PASK: variants seen among roughly 807,000 people sequenced by gnomAD.
PASK encodes PAS domain containing serine/threonine kinase.
Under a neutral mutation model 121.0 loss-of-function variants are expected in PASK, and 110 were observed. The ratio of observed to expected loss-of-function variants is 0.91; its 90% CI spans 0.78 to 1.06. The LOEUF (loss-of-function observed/expected upper bound fraction) is 1.06. PASK is among the 50% of genes least tolerant of loss of function. The pLI, the probability that PASK is intolerant of heterozygous loss-of-function variation, is 0.00. For synonymous variants in PASK, 686 were observed against 717.8 expected (o/e 0.96, Z 0.71); for missense variants, 1,643 against 1,702.3 (o/e 0.97, Z 0.61).
chr2:241,131,140 C>T (rs1007467431), intron 9 of PASK, among the ~76,000 whole-genome samples: 1 of 150,658 alleles, frequency 6.6e-6, no homozygotes, highest in African/African-American at 2.5e-5. Flanking sequence ...AACACATATG[C>T]ATGTATTACA....
chr2:241,123,050 T>C (rs1212270994), intron 11 of PASK, 151 bp from the exon 12 acceptor site: 1 of 687,602 alleles, frequency 1.5e-6, no homozygotes, highest in Non-Finnish European at 2.4e-6. Flanking sequence ...CTCAGACAGG[T>C]CTGAAAGCCT....
At chr2:241,132,573 A>G (rs2066214408) in intron 9 of PASK, among the ~76,000 whole-genome samples, 1 of 148,770 alleles carries the variant, frequency 6.7e-6, no homozygotes, top group Admixed American at 6.7e-5. Flanking sequence ...TAAAATTATG[A>G]TTCCATCAGT....
In PASK at chr2:241,137,033, C is replaced by T. The variant is rs555355660; in HGVS notation, c.1108G>A (p.Gly370Ser). 3 of 1,613,528 alleles carry T rather than the reference C, an allele frequency of 1.9e-6. No individual in the cohort carries two copies. The highest frequency in any genetic ancestry group is 1.7e-5 in the Admixed American group (1 of 60,038). Residue 370 changes from glycine (G) to serine (S), a missense_variant, in exon 7 of 18, where the codon GGT becomes AGT. Gly to Ser is a moderately conservative substitution (Grantham distance 56, BLOSUM62 0). Coordinates refer to ENST00000234040, the MANE Select transcript of PASK (RefSeq NM_015148.4). ...CCCAGGAGCTCCGTCTTTCCGTAACCAAACAGTGTCAGCGCGAAGCTGTGG... is the reference window on the plus strand; with the variant it reads ...CCCAGGAGCTCCGTCTTTCCGTAACTAAACAGTGTCAGCGCGAAGCTGTGG... The part of the protein sequence containing the change: ...INHSFALTLF[G>S]YGKTELLGKN...
At chr2:241,129,576 C>T (rs1256294526) in intron 9 of PASK, among the ~76,000 whole-genome samples, 2 of 152,220 alleles carry the variant, frequency 1.3e-5, no homozygotes, top group South Asian at 2.1e-4. Context: ...AGCATCAATT[C>T]TAAGAAAAAT....
Position 241,125,391 on chromosome 2 carries a change from G to A in PASK, c.2719+805C>T, listed in dbSNP as rs184472480. 6.0e-3 allele frequency among the ~76,000 whole-genome samples: 908 copies of A among 151,738 alleles called. 2 individuals carry two copies. Among genetic ancestry groups the A allele is most frequent in the Middle Eastern group, 0.01 (3 of 292 alleles). Reference sequence around the variant, plus strand: ...CGAGGCGGGCGGATCACGACGTCAGGAGAACGAGACCATCCTGGCTAACAC... The same window carrying A: ...CGAGGCGGGCGGATCACGACGTCAGAAGAACGAGACCATCCTGGCTAACAC... On this transcript the variant is annotated intron_variant, in intron 10 of 17. Transcript: ENST00000234040.
At chr2:241,120,529 C>T (rs1359301472) in intron 12 of PASK, among the ~76,000 whole-genome samples, 1 of 151,838 alleles carries the variant, frequency 6.6e-6, no homozygotes, top group African/African-American at 2.4e-5. Context: ...TCAGAACAGA[C>T]ATTTCTCCAA....
Position 241,123,957 on chromosome 2 carries a change from G to A in PASK, c.2896C>T (p.Leu966=). The A allele has an allele frequency of 6.2e-7, 1 of 1,613,468 alleles. No homozygotes were observed. The highest frequency in any genetic ancestry group is 8.5e-7 in the Non-Finnish European group (1 of 1,179,784). ...STAAELTGPS[L]VEVLRARPWF... is the part of the protein sequence containing the mutation. ...TGATTGCAAATACCCACTTCCACCA[G>A]GCTGGGTCCGGTGAGCTCAGCAGCG... The change falls in exon 11 of 18, where the codon CTG becomes TTG. Residue 966 remains leucine, a synonymous_variant. Coordinates refer to ENST00000234040, the MANE Select transcript of PASK (RefSeq NM_015148.4).
At chr2:241,118,774 G>A (rs1432848971) in intron 12 of PASK, 11 of 323,948 alleles carry the variant, frequency 3.4e-5, no homozygotes, top group South Asian at 1.6e-4. Context: ...GGCCCACGGC[G>A]CAGGGCAGAC....
intron 14 of PASK, chr2:241,114,571 G>C: frequency 9.8e-7 from 1 of 1,015,486 alleles, no homozygotes; most frequent in Non-Finnish European, 1.2e-6. Flanking sequence ...TATGTAATTA[G>C]ACACGAAACA....
At chr2:241,130,207 C>T (rs190908466) in intron 9 of PASK, among the ~76,000 whole-genome samples, 2 of 152,306 alleles carry the variant, frequency 1.3e-5, no homozygotes, top group South Asian at 2.1e-4. Flanking sequence ...GTTGAATAAG[C>T]GAACGAGTGA....
intron 14 of PASK, 57 bp downstream of exon 14, chr2:241,114,986 C>A: frequency 6.2e-7 from 1 of 1,613,706 alleles, no homozygotes; most frequent in Non-Finnish European, 8.5e-7. Flanking sequence ...TTTGCAGCCA[C>A]CGGACCCAGG....
At chr2:241,130,451 A>G (rs973321407) in intron 9 of PASK, among the ~76,000 whole-genome samples, 1 of 152,168 alleles carries the variant, frequency 6.6e-6, no homozygotes, top group African/African-American at 2.4e-5. Flanking sequence ...TCTGTCCACC[A>G]AGATGTCCCA....
chr2:241,119,002 T>G, intron 12 of PASK: 1 of 950,780 alleles, frequency 1.1e-6, no homozygotes, highest in Non-Finnish European at 1.3e-6. Context: ...AGGCTGGGCC[T>G]TGCGCCATCG....
At chr2:241,144,664 C>T (rs969311703) in intron 1 of PASK, among the ~76,000 whole-genome samples, 4 of 152,196 alleles carry the variant, frequency 2.6e-5, no homozygotes, top group Non-Finnish European at 5.9e-5. Context: ...CCAGGAATAG[C>T]GAGCTTGGAC....
At chr2:241,131,234 C>T (rs570093220) in intron 9 of PASK, among the ~76,000 whole-genome samples, 87 of 151,862 alleles carry the variant, frequency 5.7e-4, no homozygotes, top group South Asian at 2.3e-3. Context: ...CTGCAAGCTC[C>T]GCCTCCCAGG....
chr2:241,135,943 C>G lies in PASK; in HGVS notation c.1234G>C (p.Gly412Arg), dbSNP rs149425605. 1 of 1,614,186 alleles carries G rather than the reference C, an allele frequency of 6.2e-7. No homozygotes were observed. The change falls in exon 8 of 18, where the codon GGC becomes CGC. Residue 412 changes from glycine to arginine, a missense_variant. Gly to Arg is a moderately radical substitution (Grantham distance 125). Coordinates refer to ENST00000234040, the MANE Select transcript of PASK (RefSeq NM_015148.4). ...CTCTCCCCACACCCACTCTCATTGCCGACGTCCAGGCAGCTGGCCAGGTCT... is the reference window on the plus strand; with the variant it reads ...CTCTCCCCACACCCACTCTCATTGCGGACGTCCAGGCAGCTGGCCAGGTCT... ...LPDLASCLDV[G>R]NESGCGERTL... is the part of the protein sequence containing the mutation.
intron 2 of PASK, among the ~76,000 whole-genome samples, chr2:241,141,057 G>A (rs922677217): frequency 3.3e-5 from 5 of 152,166 alleles, no homozygotes; most frequent in African/African-American, 7.2e-5. Context: ...AGGCAGGAAG[G>A]TTGCTTGAGT....
At chr2:241,144,564 C>A (rs1480071224) in intron 1 of PASK, among the ~76,000 whole-genome samples, 1 of 152,208 alleles carries the variant, frequency 6.6e-6, no homozygotes, top group African/African-American at 2.4e-5. Flanking sequence ...GGGTCTGGTG[C>A]CCACTTCTAA....
chr2:241,136,191 C>T (rs527746051), intron 7 of PASK, 152 bp from the exon 8 acceptor site: 37 of 723,760 alleles, frequency 5.1e-5, no homozygotes, highest in Admixed American at 1.4e-4. Flanking sequence ...TGCCCTTCGA[C>T]GCACCTGAAG....
Sources: allele counts gnomAD v4.1 joint callset (sites outside exome capture counted in the v4.1 genomes callset), GRCh38; gene constraint gnomAD v4.1.1; transcripts MANE v1.5; gene names NCBI Gene and HGNC (gene_info 2026-07-23, HGNC 2026-07-21).